The following SEPTIN2 variants were observed in gnomAD, a reference collection of about 807,000 sequenced individuals.
The protein encoded by SEPTIN2 is septin 2.
SEPTIN2 carries 34 observed loss-of-function variants against 46.5 expected under a neutral mutation model. The ratio of observed to expected loss-of-function variants is 0.73; its 90% confidence interval spans 0.56 to 0.97. The LOEUF is 0.97. Ranked by LOEUF, SEPTIN2 falls within the 50% of genes least tolerant of loss-of-function variation. The probability of loss-of-function intolerance (pLI) is 0.00; values close to 1 mark genes in which losing one functional copy is unlikely to be tolerated. For synonymous variants in SEPTIN2, 175 were observed against 153.4 expected, an observed-to-expected ratio of 1.14 and a Z score of -1.04; for missense variants, 347 against 448.4, an observed-to-expected ratio of 0.77 and a Z score of 2.04.
intron 4 of SEPTIN2, chr2:241,335,735 G>T: frequency 1.7e-6 from 1 of 574,998 alleles, no homozygotes; most frequent in South Asian, 2.3e-5. Flanking sequence ...TTTTTCCCAG[G>T]AACAGAAATT....
intron 7 of SEPTIN2, among the ~76,000 whole-genome samples, chr2:241,338,857 TAAAAATATATA>T (rs2080736843): frequency 1.0e-5 from 1 of 95,788 alleles, no homozygotes; most frequent in South Asian, 2.5e-4. Context: ...ATAATATATA[TAAAAATATATA>T]TATTTAATAT....
chr2:241,316,375 C>A, intron 1 of SEPTIN2: 1 of 863,624 alleles, frequency 1.2e-6, no homozygotes, highest in Non-Finnish European at 1.7e-6. Flanking sequence ...ACACTTAGAG[C>A]TTGTGTGGCC....
intron 1 of SEPTIN2, among the ~76,000 whole-genome samples, chr2:241,321,574 T>G (rs886454426): frequency 2.7e-5 from 4 of 147,682 alleles, no homozygotes; most frequent in South Asian, 2.1e-4. Context: ...GTTGTTTTTG[T>G]TTTTTTTTTC....
chr2:241,348,109 G>A, intron 10 of SEPTIN2, 25 bp from the exon 11 acceptor site: 1 of 1,595,330 alleles, frequency 6.3e-7, no homozygotes, highest in Non-Finnish European at 8.6e-7. Context: ...GCAGTGTTAT[G>A]ATTCTGATTT....
intron 12 of SEPTIN2, chr2:241,351,341 A>G (rs1013478304): frequency 7.9e-5 from 12 of 152,302 alleles, no homozygotes; most frequent in Non-Finnish European, 1.5e-4. Flanking sequence ...GCACAAAAAT[A>G]CGTATGTACA....
chr2:241,336,183 A>G, intron 5 of SEPTIN2, 85 bp downstream of exon 5: 1 of 1,379,556 alleles, frequency 7.2e-7, no homozygotes, highest in Non-Finnish European at 9.9e-7. Flanking sequence ...AGTGATTATT[A>G]AGTTTGGGAT....
intron 10 of SEPTIN2, among the ~76,000 whole-genome samples, chr2:241,346,925 A>G (rs993800189): frequency 2.0e-5 from 3 of 152,194 alleles, no homozygotes; most frequent in African/African-American, 7.2e-5. Context: ...CCGTTGAAGC[A>G]GCAGCTTCGA....
At chr2:241,326,863 C>T (rs1014833332) in intron 3 of SEPTIN2, among the ~76,000 whole-genome samples, 12 of 151,962 alleles carry the variant, frequency 7.9e-5, no homozygotes, top group African/African-American at 2.7e-4. Flanking sequence ...CCGAGGCAGG[C>T]AGGAGTTGAA....
chr2:241,351,573 G>A (rs1007014005), intron 12 of SEPTIN2: 5 of 152,154 alleles, frequency 3.3e-5, no homozygotes, highest in Admixed American at 2.0e-4. Context: ...CTAGAGGCTG[G>A]TCCTGCATAA....
intron 5 of SEPTIN2, chr2:241,337,115 G>T (rs975653910): frequency 9.0e-6 from 3 of 334,724 alleles, no homozygotes; most frequent in African/African-American, 4.3e-5. Context: ...GAACGAATTG[G>T]CAGCCCTGTC....
At chr2:241,318,521 C>T (rs1204386380) in intron 1 of SEPTIN2, among the ~76,000 whole-genome samples, 1 of 151,988 alleles carries the variant, frequency 6.6e-6, no homozygotes, top group Non-Finnish European at 1.5e-5. Flanking sequence ...TTATGTAGGA[C>T]CTGTTTTCTA....
chr2:241,318,869 T>C (rs1374749485), intron 1 of SEPTIN2, among the ~76,000 whole-genome samples: 1 of 152,060 alleles, frequency 6.6e-6, no homozygotes, highest in Non-Finnish European at 1.5e-5. Context: ...GGCTAATTTT[T>C]GTATTTTTGG....
At chr2:241,343,200 C>A in intron 8 of SEPTIN2, 107 bp downstream of exon 8, 1 of 713,022 alleles carries the variant, frequency 1.4e-6, no homozygotes, top group South Asian at 1.8e-5. Context: ...AGTATTTTTG[C>A]TTTCAATATA....
intron 1 of SEPTIN2, among the ~76,000 whole-genome samples, chr2:241,317,756 G>A (rs539776085): frequency 0.16 from 24,037 of 152,004 alleles, 2,072 homozygotes; most frequent in Middle Eastern, 0.27. Flanking sequence ...GACCTTCCGG[G>A]TTCTACATCG....
chr2:241,331,927 T>C (rs1200215505), intron 3 of SEPTIN2, among the ~76,000 whole-genome samples: 1 of 152,208 alleles, frequency 6.6e-6, no homozygotes, highest in Non-Finnish European at 1.5e-5. Flanking sequence ...TTCAATTGTT[T>C]TTTTGGTTTC....
At position 241,346,889 on chromosome 2, in the gene SEPTIN2, A is replaced by T. The variant is rs920373935; in HGVS notation, c.926+640A>T. Among the ~76,000 whole-genome samples the T allele has an allele frequency of 3.3e-5, 5 of 152,302 alleles. No individual in the cohort carries two copies. The South Asian group carries it at 1.0e-3, about 32-fold the overall frequency. On this transcript the variant is annotated intron_variant, in intron 10 of 12. Transcript: ENST00000391971. ...CACCTGAGTTAAGGGTGAGGCCAGG[A>T]TGAGTGGCATCCAAGCAGCCAGTGG...
At chr2:241,344,108 G>C (rs932378135) in intron 9 of SEPTIN2, among the ~76,000 whole-genome samples, 1 of 152,128 alleles carries the variant, frequency 6.6e-6, no homozygotes, top group Non-Finnish European at 1.5e-5. Flanking sequence ...CTAAACTAGC[G>C]CTTCTGCCTG....
At chr2:241,316,437 C>T in intron 1 of SEPTIN2, 3 of 1,445,304 alleles carry the variant, frequency 2.1e-6, no homozygotes, top group Non-Finnish European at 2.7e-6. Flanking sequence ...GAGGACTGGC[C>T]AGCCCCCAAA....
intron 1 of SEPTIN2, chr2:241,316,266 C>T (rs905985698): frequency 4.7e-5 from 19 of 401,308 alleles, no homozygotes; most frequent in East Asian, 1.2e-4. Context: ...TGCGGGAATT[C>T]CTCTGCACTG....
Sources: gnomAD v4.1 joint callset for allele counts (sites outside exome capture counted in the v4.1 genomes callset) on GRCh38, gnomAD v4.1.1 for gene constraint, MANE v1.5 for transcripts, NCBI Gene and HGNC (gene_info 2026-07-23, HGNC 2026-07-21) for gene names.